YLPM1: variants seen among roughly 807,000 people sequenced by gnomAD.
YLPM1 encodes the protein YLP motif containing 1, also known as YLP motif-containing protein 1.
A neutral mutation model predicts 230.0 loss-of-function variants in YLPM1; 99 were observed. The ratio of observed to expected loss-of-function variants is 0.43; its 90% CI spans 0.37 to 0.51. The LOEUF (loss-of-function observed/expected upper bound fraction) is 0.51. Among genes scored for constraint, YLPM1 ranks in the 20% least tolerant of loss-of-function variants. YLPM1 has a pLI of 0.00. For missense variants in YLPM1, 2,592 were observed against 2,707.7 expected (o/e 0.96, Z 0.95); for synonymous variants, 984 against 942.5 (o/e 1.04, Z -0.81).
chr14:74,774,990 A>G (rs1368340820), intron 1 of YLPM1, among the ~76,000 whole-genome samples: 1 of 152,218 alleles, frequency 6.6e-6, no homozygotes, highest in Non-Finnish European at 1.5e-5. Context: ...CAGTGAATAC[A>G]TATCACTTTC....
intron 15 of YLPM1, 72 bp from the exon 16 acceptor site, chr14:74,818,159 G>A (rs1056614097): frequency 1.2e-6 from 1 of 828,800 alleles, no homozygotes; most frequent in African/African-American, 1.8e-5. Flanking sequence ...GTTAAATGTT[G>A]TTTATCTTGG....
chr14:74,779,210 G>A (rs1422001064), intron 2 of YLPM1, among the ~76,000 whole-genome samples: 1 of 152,150 alleles, frequency 6.6e-6, no homozygotes, highest in Non-Finnish European at 1.5e-5. Flanking sequence ...CTTCTGAATT[G>A]AGTGCCTCTA....
intron 19 of YLPM1, among the ~76,000 whole-genome samples, chr14:74,833,106 G>A (rs533834953): frequency 6.9e-6 from 1 of 145,574 alleles, no homozygotes; most frequent in South Asian, 2.5e-4. Flanking sequence ...CCAGCCCACA[G>A]CAAATTTAAA....
rs2091347581 is a variant in YLPM1 at position 74,803,458 on chromosome 14, T to C, written c.4521+782T>C. Among the ~76,000 whole-genome samples, 4 of 152,332 alleles carry C rather than the reference T, an allele frequency of 2.6e-5. No homozygotes were observed. The South Asian group carries it at 8.3e-4, about 32-fold the overall frequency. On this transcript the variant is annotated intron_variant, in intron 6 of 20. Coordinates refer to ENST00000325680, the MANE Select transcript of YLPM1 (RefSeq NM_019589.3). ...AACCATTTCATCAAATTAACACTTT[T>C]CATTTCTCAGTGTTCCCTTCCATCC...
At chr14:74,768,529 G>C (rs2090937358) in intron 1 of YLPM1, among the ~76,000 whole-genome samples, 1 of 152,198 alleles carries the variant, frequency 6.6e-6, no homozygotes, top group African/African-American at 2.4e-5. Context: ...TTATAGACGT[G>C]AGCCACTGCG....
intron 9 of YLPM1, among the ~76,000 whole-genome samples, chr14:74,810,866 C>T (rs2091427620): frequency 6.6e-6 from 1 of 152,146 alleles, no homozygotes; most frequent in Non-Finnish European, 1.5e-5. Flanking sequence ...GTCTGTCACC[C>T]AGGCTGGAAT....
Position 74,797,739 on chromosome 14 carries a change from G to A in YLPM1, c.2442G>A (p.Arg814=). Residue 814 remains arginine (R), a synonymous_variant, in exon 5 of 21, where the codon CGG becomes CGA. Transcript: ENST00000325680. ...AAAGCAAGTGGGGAATGATTCCCCG[G>A]GGGCCAGCATCTCAATTTTATATTA... ...GTKSKWGMIP[R]GPASQFYITP... 1 of 1,613,552 alleles carries A rather than the reference G, an allele frequency of 6.2e-7. No homozygotes were observed. Among genetic ancestry groups the A allele is most frequent in the Non-Finnish European group, 8.5e-7 (1 of 1,179,672 alleles).
At chr14:74,777,084 A>G (rs903753456) in intron 1 of YLPM1, among the ~76,000 whole-genome samples, 1 of 151,890 alleles carries the variant, frequency 6.6e-6, no homozygotes, top group Non-Finnish European at 1.5e-5. Flanking sequence ...AATTTTAGCA[A>G]GTAGGCAAAT....
chr14:74,802,505 G>A (rs1019880164), intron 5 of YLPM1, 51 bp from the exon 6 acceptor site: 1 of 1,550,452 alleles, frequency 6.4e-7, no homozygotes, highest in Non-Finnish European at 8.7e-7. Context: ...TAGTCACTTA[G>A]GAATGGAATA....
intron 13 of YLPM1, 98 bp from the exon 14 acceptor site, chr14:74,816,833 A>G (rs2091482034): frequency 6.9e-6 from 10 of 1,443,330 alleles, no homozygotes; most frequent in Non-Finnish European, 9.2e-6. Flanking sequence ...TGTGAAGGAA[A>G]GACTACAAAG....
At chr14:74,824,931 A>C (rs140016114) in intron 18 of YLPM1, among the ~76,000 whole-genome samples, 19 of 152,270 alleles carry the variant, frequency 1.2e-4, no homozygotes, top group African/African-American at 4.6e-4. Flanking sequence ...CAAAAAAGTC[A>C]TACATATCCA....
At chr14:74,789,601 CTTTTCTTTT>C (rs1479834481) in intron 4 of YLPM1, among the ~76,000 whole-genome samples, 1 of 141,200 alleles carries the variant, frequency 7.1e-6, no homozygotes, top group Non-Finnish European at 1.6e-5. Flanking sequence ...ATTTTTCTTT[CTTTTCTTTT>C]TTTTTTTTTT....
intron 1 of YLPM1, among the ~76,000 whole-genome samples, chr14:74,771,270 A>G (rs1262728368): frequency 6.6e-6 from 1 of 152,188 alleles, no homozygotes; most frequent in African/African-American, 2.4e-5. Flanking sequence ...TCTGGGAGAC[A>G]TAGATTTATA....
chr14:74,788,277 C>T (rs1169408489), intron 4 of YLPM1, among the ~76,000 whole-genome samples: 1 of 152,092 alleles, frequency 6.6e-6, no homozygotes, highest in Non-Finnish European at 1.5e-5. Flanking sequence ...CCCACCGCCA[C>T]GCCTGGCTAA....
Position 74,763,514 on chromosome 14 carries a change from G to A in YLPM1, c.25G>A (p.Gly9Ser), listed in dbSNP as rs1312141269. 2.7e-6 allele frequency: 4 copies of A among 1,497,562 alleles called. No homozygotes were observed. The South Asian group carries it at 5.3e-5, about 20-fold the overall frequency. 92.8% of individuals were successfully genotyped at this position (1,497,562 alleles called of 1,614,324 possible). MYPNWGRY[G>S]GSSHYPPPPV... ...TATGTACCCGAATTGGGGCCGGTAT[G>A]GCGGGAGCAGCCACTATCCGCCGCC... The change falls in exon 1 of 21, where the codon GGC becomes AGC. Residue 9 changes from glycine to serine, a missense_variant. Physicochemically the swap from Gly to Ser is moderately conservative, Grantham distance 56. Transcript: ENST00000325680.
intron 6 of YLPM1, 103 bp downstream of exon 6, chr14:74,802,779 A>G (rs1177077128): frequency 1.4e-6 from 2 of 1,380,912 alleles, no homozygotes; most frequent in African/African-American, 3.0e-5. Flanking sequence ...AATTTCCTCT[A>G]TAAAATGTAA....
chr14:74,781,846 ACCACCAGTTCTTCCC>A lies in YLPM1; in HGVS notation c.1810_1824del (p.Val604_Pro608del), dbSNP rs1285059119. On this transcript the variant is annotated inframe_deletion, in exon 4 of 21. Transcript: ENST00000325680. ...CACCTTCCCTGTCTTCTGCAGGGCC[ACCACCAGTTCTTCCC>A]CCACCATCTCTCTCTTCAACAGCAC... 1 of 1,607,288 alleles carries A rather than the reference ACCACCAGTTCTTCCC, an allele frequency of 6.2e-7. No homozygotes were observed. Among genetic ancestry groups the A allele is most frequent in the Non-Finnish European group, 8.5e-7 (1 of 1,178,030 alleles).
chr14:74,776,296 A>C (rs573729146), intron 1 of YLPM1, among the ~76,000 whole-genome samples: 5 of 152,354 alleles, frequency 3.3e-5, no homozygotes, highest in African/African-American at 9.6e-5. Flanking sequence ...GGTTCCTGTG[A>C]GTCTCTTGTC....
At chr14:74,782,423 G>A in intron 4 of YLPM1, 98 bp downstream of exon 4, 2 of 1,343,434 alleles carry the variant, frequency 1.5e-6, no homozygotes, top group Non-Finnish European at 2.0e-6. Context: ...TTTATACAAT[G>A]TTTATACTCT....
Sources: allele counts gnomAD v4.1 joint callset (sites outside exome capture counted in the v4.1 genomes callset), GRCh38; gene constraint gnomAD v4.1.1; transcripts MANE v1.5; gene names NCBI Gene and HGNC (gene_info 2026-07-23, HGNC 2026-07-21).